The following UBA3 variants were observed in gnomAD, a reference collection of about 807,000 sequenced individuals.
UBA3 encodes ubiquitin like modifier activating enzyme 3.
UBA3 carries 26 observed loss-of-function variants against 73.5 expected under a neutral mutation model. That is an observed-to-expected ratio of 0.35 (90% CI 0.26 to 0.49). The LOEUF is 0.49. Ranked by LOEUF, UBA3 falls within the 20% of genes least tolerant of loss-of-function variation. UBA3 has a pLI of 0.98. For synonymous variants in UBA3, 217 were observed against 191.2 expected (o/e 1.13, Z -1.11); for missense variants, 495 against 555.6 (o/e 0.89, Z 1.10).
Position 69,063,011 on chromosome 3 carries a change from C to G in UBA3, c.664G>C (p.Glu222Gln). The change falls in exon 9 of 18, where the codon GAA becomes CAA. Residue 222 changes from glutamate to glutamine, a missense_variant. Coordinates refer to ENST00000361055, the MANE Select transcript of UBA3 (RefSeq NM_003968.4). The part of the protein sequence containing the change: ...VILPGMTACI[E>Q]CTLELYPPQV... ...GGTGGATAAAGTTCCAGCGTGCATT[C>G]GATACAAGCAGTCATTCCAGGCAGA... The G allele has an allele frequency of 6.2e-7, 1 of 1,613,958 alleles. No individual in the cohort carries two copies. Among genetic ancestry groups the G allele is most frequent in the Non-Finnish European group, 8.5e-7 (1 of 1,179,938 alleles).
intron 5 of UBA3, among the ~76,000 whole-genome samples, chr3:69,068,545 GAAA>G (rs35335070): frequency 7.8e-6 from 1 of 128,992 alleles, no homozygotes. Flanking sequence ...ATATAAAATG[GAAA>G]AAAAAAAAAA....
chr3:69,077,110 T>C (rs1395819588), intron 3 of UBA3, among the ~76,000 whole-genome samples: 1 of 151,344 alleles, frequency 6.6e-6, no homozygotes, highest in African/African-American at 2.4e-5. Context: ...TCTTTTTCTT[T>C]TTTTTTTTTT....
At chr3:69,078,762 C>G (rs1272385286) in intron 2 of UBA3, among the ~76,000 whole-genome samples, 3 of 152,166 alleles carry the variant, frequency 2.0e-5, no homozygotes, top group Non-Finnish European at 4.4e-5. Flanking sequence ...CATGAGCCAC[C>G]GAACCTGGCA....
At chr3:69,070,729 T>C (rs932310457) in intron 5 of UBA3, among the ~76,000 whole-genome samples, 6 of 152,166 alleles carry the variant, frequency 3.9e-5, no homozygotes, top group African/African-American at 1.4e-4. Context: ...CACAGTTCAC[T>C]GCAGCCTCCA....
At chr3:69,074,736 T>C (rs977143482) in intron 4 of UBA3, among the ~76,000 whole-genome samples, 1 of 152,176 alleles carries the variant, frequency 6.6e-6, no homozygotes. Context: ...GAAAGCGACT[T>C]TGTGATTAGA....
At chr3:69,055,762 A>T in intron 17 of UBA3, 89 bp downstream of exon 17, 1 of 1,294,230 alleles carries the variant, frequency 7.7e-7, no homozygotes, top group Non-Finnish European at 1.1e-6. Context: ...ACAAGGCATT[A>T]AGAGGAAATC....
At chr3:69,067,402 T>G (rs1289066563) in intron 6 of UBA3, among the ~76,000 whole-genome samples, 2 of 152,218 alleles carry the variant, frequency 1.3e-5, no homozygotes, top group Non-Finnish European at 1.5e-5. Flanking sequence ...CTGTGGGACT[T>G]TCTACATAGA....
In UBA3 at chr3:69,056,672, A is replaced by G. The variant is rs1476107508; in HGVS notation, c.1023T>C (p.Asn341=). 1.9e-6 allele frequency: 3 copies of G among 1,613,364 alleles called. No homozygotes were observed. In the African/African-American group the frequency reaches 4.0e-5, roughly 22 times the overall value. Residue 341 remains asparagine (N), a synonymous_variant, in exon 14 of 18, where the codon AAT becomes AAC. Transcript: ENST00000361055. ...IATSAYIPLN[N]YLVFNDVDGL... is the part of the protein sequence containing the mutation. ...CATCTACATCATTAAACACCAAGTA[A>G]TTATTCAAGGGAATGTATGCACTGT...
chr3:69,065,733 C>A (rs2092064846), intron 6 of UBA3, among the ~76,000 whole-genome samples: 1 of 152,296 alleles, frequency 6.6e-6, no homozygotes, highest in South Asian at 2.1e-4. Flanking sequence ...TGAACCACCA[C>A]ACCCAGCCAT....
intron 2 of UBA3, among the ~76,000 whole-genome samples, chr3:69,079,070 A>G (rs2092195614): frequency 6.6e-6 from 1 of 152,228 alleles, no homozygotes; most frequent in African/African-American, 2.4e-5. Flanking sequence ...TTGCCTAGCA[A>G]TAAAAACCAT....
At chr3:69,068,902 G>A (rs897594610) in intron 5 of UBA3, among the ~76,000 whole-genome samples, 1 of 152,186 alleles carries the variant, frequency 6.6e-6, no homozygotes, top group Middle Eastern at 3.2e-3. Context: ...AATACCAAAA[G>A]TGTCAGCTAA....
chr3:69,065,421 ATG>A (rs930941741), intron 6 of UBA3, among the ~76,000 whole-genome samples: 9 of 152,370 alleles, frequency 5.9e-5, no homozygotes, highest in Admixed American at 2.0e-4. Flanking sequence ...CATTGGTACA[ATG>A]TGTGTTTATA....
intron 11 of UBA3, among the ~76,000 whole-genome samples, chr3:69,060,566 A>G (rs1194495319): frequency 1.3e-5 from 2 of 152,238 alleles, no homozygotes; most frequent in African/African-American, 4.8e-5. Flanking sequence ...CTCTAACTAT[A>G]TTCCAGTTAA....
intron 4 of UBA3, among the ~76,000 whole-genome samples, chr3:69,072,308 C>T (rs1451098042): frequency 2.0e-5 from 3 of 152,166 alleles, no homozygotes; most frequent in Non-Finnish European, 2.9e-5. Context: ...CAGTTTACTT[C>T]GATGATCAAA....
intron 2 of UBA3, 59 bp downstream of exon 2, chr3:69,080,053 C>G (rs1270234996): frequency 3.9e-6 from 6 of 1,549,850 alleles, no homozygotes; most frequent in Non-Finnish European, 5.3e-6. Context: ...TCCCCTAGGC[C>G]TGGGGTGGGG....
chr3:69,061,108 T>C (rs561670513), intron 11 of UBA3, among the ~76,000 whole-genome samples: 7 of 152,378 alleles, frequency 4.6e-5, no homozygotes, highest in African/African-American at 1.7e-4. Context: ...GCAAAGGATG[T>C]GATCACTGTC....
At position 69,069,569 on chromosome 3, in the gene UBA3, C is replaced by T. The variant is rs139042806; in HGVS notation, c.348-1561G>A. Among the ~76,000 whole-genome samples, 6 of 152,138 alleles carry T rather than the reference C, an allele frequency of 3.9e-5. No individual in the cohort carries two copies. The East Asian group carries it at 5.8e-4, about 15-fold the overall frequency. On this transcript the variant is annotated intron_variant, in intron 5 of 17. Coordinates refer to ENST00000361055, the MANE Select transcript of UBA3 (RefSeq NM_003968.4). ...CTCGAACTTCTGACCTCAAGTGATC[C>T]GCCCACCTTAGCCTCCCAATGTGCT...
intron 1 of UBA3, 57 bp from the exon 2 acceptor site, chr3:69,080,210 G>C: frequency 6.4e-7 from 1 of 1,568,674 alleles, no homozygotes; most frequent in Admixed American, 1.8e-5. Context: ...GCGCCGCGAG[G>C]GGAGGGGGGC....
rs1458282851 is a variant in UBA3 at position 69,071,616 on chromosome 3, G to C, written c.266C>G (p.Ala89Gly). 1.3e-6 allele frequency: 2 copies of C among 1,533,902 alleles called. No individual in the cohort carries two copies. The highest frequency in any genetic ancestry group is 8.7e-7 in the Non-Finnish European group (1 of 1,149,618). The change falls in exon 5 of 18, where the codon GCC (alanine) becomes GGC (glycine). Residue 89 changes from alanine to glycine, a missense_variant and splice_region_variant. Coordinates refer to ENST00000361055, the MANE Select transcript of UBA3 (RefSeq NM_003968.4). Reference protein sequence around the residue: ...GLGCELLKNLALSGFRQIHVI... With the variant: ...GLGCELLKNLGLSGFRQIHVI... ...ATGAATCTGTCTAAAACCAGACAAGGCCTGTGGGAATAAAAACAATCCAAT... is the reference window on the plus strand; with the variant it reads ...ATGAATCTGTCTAAAACCAGACAAGCCCTGTGGGAATAAAAACAATCCAAT...
Sources: allele counts gnomAD v4.1 joint callset (sites outside exome capture counted in the v4.1 genomes callset), GRCh38; gene constraint gnomAD v4.1.1; transcripts MANE v1.5; gene names NCBI Gene and HGNC (gene_info 2026-07-23, HGNC 2026-07-21).